The following NADK variants were observed in gnomAD, a reference collection of about 807,000 sequenced individuals.
The protein encoded by NADK is NAD kinase, also known as poly(P)/ATP NAD kinase.
Under a neutral mutation model 49.8 loss-of-function variants are expected in NADK, and 22 were observed. The observed-to-expected ratio is 0.44, with a 90% CI of 0.32 to 0.63. NADK has a LOEUF of 0.63. Among genes scored for constraint, NADK ranks in the 30% least tolerant of loss-of-function variants. The pLI is 0.06. For synonymous variants in NADK, 268 were observed against 253.7 expected, an observed-to-expected ratio of 1.06 and a Z score of -0.54; for missense variants, 438 against 609.4, an observed-to-expected ratio of 0.72 and a Z score of 2.96.
At chr1:1,774,545 C>T (rs927291907) in intron 1 of NADK, among the ~76,000 whole-genome samples, 9 of 151,420 alleles carry the variant, frequency 5.9e-5, no homozygotes, top group African/African-American at 1.7e-4. Context: ...GTCGCCACCG[C>T]GCACGGCCAC....
Position 1,757,180 on chromosome 1 carries a change from C to T in NADK, c.393+1G>A. 2 of 1,604,586 alleles carry T rather than the reference C, an allele frequency of 1.2e-6. No homozygotes were observed. Among genetic ancestry groups the T allele is most frequent in the Non-Finnish European group, 1.7e-6 (2 of 1,173,866 alleles). ...GCCCCCTTCCCCCCTGCCCCGCGTG[C>T]CTCCATGAGGTGCGTGCAGAGCTCC... On this transcript the variant is annotated splice_donor_variant, in intron 4 of 11. Transcript: ENST00000341426. LOFTEE classifies it high-confidence loss of function.
rs1352957585 is a variant in NADK, at chr1:1,765,334, C to A, written c.73G>T (p.Ala25Ser). The change falls in exon 2 of 12, where the codon GCC becomes TCC. Residue 25 changes from alanine to serine, a missense_variant. Coordinates refer to ENST00000341426, the MANE Select transcript of NADK (RefSeq NM_023018.5). ...SPDAAAYCCS[A>S]CHGDETWSYN... ...CTCCAGGTCTCATCGCCGTGGCAGG[C>A]CGAGCAGCAGTAAGCAGCCGCGTCT... The A allele has an allele frequency of 9.9e-6, 16 of 1,613,486 alleles. No homozygotes were observed. Among genetic ancestry groups the A allele is most frequent in the Non-Finnish European group, 1.4e-5 (16 of 1,179,834 alleles).
intron 2 of NADK, among the ~76,000 whole-genome samples, chr1:1,764,755 G>A (rs1259120230): frequency 6.6e-6 from 1 of 152,206 alleles, no homozygotes; most frequent in African/African-American, 2.4e-5. Flanking sequence ...ACAAAAATTA[G>A]CCGGGCATGG....
At chr1:1,773,937 C>G (rs908208241) in intron 1 of NADK, among the ~76,000 whole-genome samples, 8 of 151,876 alleles carry the variant, frequency 5.3e-5, no homozygotes, top group Admixed American at 6.6e-5. Context: ...GTCTCGCTAC[C>G]TTGAACGGGC....
At chr1:1,772,058 C>G (rs1215974364) in intron 1 of NADK, among the ~76,000 whole-genome samples, 1 of 152,052 alleles carries the variant, frequency 6.6e-6, no homozygotes, top group African/African-American at 2.4e-5. Context: ...ATCCTCCCAC[C>G]TTGGCCTTCC....
chr1:1,752,803 G>A lies in NADK; in HGVS notation c.*101C>T, dbSNP rs939916927. On this transcript the variant is annotated 3_prime_UTR_variant, in exon 12 of 12. Coordinates refer to ENST00000341426, the MANE Select transcript of NADK (RefSeq NM_023018.5). ...ACCCAGCTACAGAAAGGAAGTGGCCGTGCCACTGAGACAGGCGGTCACAGA... is the reference window on the plus strand; with the variant it reads ...ACCCAGCTACAGAAAGGAAGTGGCCATGCCACTGAGACAGGCGGTCACAGA... The A allele has an allele frequency of 4.5e-5, 61 of 1,366,638 alleles. No individual in the cohort carries two copies. In the South Asian group the frequency reaches 6.5e-4, roughly 14 times the overall value. 84.7% of individuals were successfully genotyped at this position (1,366,638 alleles called of 1,614,324 possible).
chr1:1,758,101 C>T (rs1197364435), intron 3 of NADK, among the ~76,000 whole-genome samples: 3 of 152,300 alleles, frequency 2.0e-5, no homozygotes, highest in African/African-American at 4.8e-5. Context: ...GAGGGCGCAG[C>T]GGGGCTGGCC....
intron 1 of NADK, among the ~76,000 whole-genome samples, chr1:1,776,563 C>T (rs1646215656): frequency 1.3e-5 from 2 of 152,034 alleles, no homozygotes. Context: ...ATCACGAGGT[C>T]AGGAGTTCGA....
chr1:1,754,622 C>T lies in NADK; in HGVS notation c.765G>A (p.Val255=). 1 of 1,613,958 alleles carries T rather than the reference C, an allele frequency of 6.2e-7. No homozygotes were observed. The highest frequency in any genetic ancestry group is 8.5e-7 in the Non-Finnish European group (1 of 1,179,926). ...VKELRGKKTA[V]HNGLGENGSQ... is the part of the protein sequence containing the mutation. ...AGCCGTTCTCACCCAGCCCATTGTGCACGGCCGTCTTCTTCCCCCGGAGCT... is the reference window on the plus strand; with the variant it reads ...AGCCGTTCTCACCCAGCCCATTGTGTACGGCCGTCTTCTTCCCCCGGAGCT... Residue 255 remains valine (V), a synonymous_variant, in exon 8 of 12, where the codon GTG becomes GTA. Coordinates refer to ENST00000341426, the MANE Select transcript of NADK (RefSeq NM_023018.5). This position sits in a 1 kb window ranked among gnomAD's most constrained non-coding sequence, Gnocchi z 4.3.
intron 1 of NADK, among the ~76,000 whole-genome samples, chr1:1,767,703 A>G (rs1426508067): frequency 6.6e-6 from 1 of 152,144 alleles, no homozygotes; most frequent in Non-Finnish European, 1.5e-5. Context: ...TTGTAGAGAC[A>G]AGGTCTCTCT....
At chr1:1,762,058 G>C in intron 2 of NADK, 23 bp from the exon 3 acceptor site, 1 of 1,606,118 alleles carries the variant, frequency 6.2e-7, no homozygotes, top group South Asian at 1.1e-5. Context: ...GGCAGTGTCA[G>C]AGCCACCAGG....
Position 1,759,806 on chromosome 1 carries a change from A to T in NADK, c.263+2146T>A, listed in dbSNP as rs1645658746. On this transcript the variant is annotated intron_variant, in intron 3 of 11. Transcript: ENST00000341426. The stretch of plus-strand genomic sequence containing the variant: ...TGAGTACGCCCTGGTCTGAGGGCTG[A>T]GGCAGAACATGCACCTGTCCGGTGA... 1.9e-6 allele frequency: 3 copies of T among 1,554,420 alleles called. No homozygotes were observed. In the East Asian group the frequency reaches 7.3e-5, roughly 38 times the overall value.
In NADK at chr1:1,765,291, C is replaced by T. The variant is rs746264887; in HGVS notation, c.116G>A (p.Arg39Gln). 10 of 1,613,192 alleles carry T rather than the reference C, an allele frequency of 6.2e-6. No individual in the cohort carries two copies. The highest frequency in any genetic ancestry group is 1.7e-4 in the Middle Eastern group (1 of 6,050). ...DETWSYNHPI[R>Q]GRAKSRSLSA... ...CAGGCTGCGAGACTTGGCCCGGCCC[C>T]GGATGGGGTGGTTGTAACTCCAGGT... Residue 39 changes from arginine to glutamine, a missense_variant, in exon 2 of 12, where the codon CGG (arginine) becomes CAG (glutamine). Arg to Gln is a conservative substitution (Grantham distance 43). Transcript: ENST00000341426.
At chr1:1,768,277 C>T (rs2100354837) in intron 1 of NADK, among the ~76,000 whole-genome samples, 1 of 151,994 alleles carries the variant, frequency 6.6e-6, no homozygotes, top group African/African-American at 2.4e-5. Flanking sequence ...GTGGCTCACT[C>T]ATGTAATCCC....
At chr1:1,765,831 A>G (rs1046474485) in intron 1 of NADK, among the ~76,000 whole-genome samples, 1 of 152,048 alleles carries the variant, frequency 6.6e-6, no homozygotes, top group Non-Finnish European at 1.5e-5. Context: ...AATCGCTTGA[A>G]CCCAGGAGGT....
At chr1:1,769,886 G>C (rs1645996402) in intron 1 of NADK, among the ~76,000 whole-genome samples, 1 of 152,106 alleles carries the variant, frequency 6.6e-6, no homozygotes, top group Non-Finnish European at 1.5e-5. Flanking sequence ...AGACCAGCCT[G>C]ACCAACACAG....
At position 1,778,135 on chromosome 1, in the gene NADK, G is replaced by C. The variant is rs1019625549; in HGVS notation, c.-41+154C>G. Among the ~76,000 whole-genome samples, 6 of 152,184 alleles carry C rather than the reference G, an allele frequency of 3.9e-5. No individual in the cohort carries two copies. Among genetic ancestry groups the C allele is most frequent in the African/African-American group, 1.4e-4 (6 of 41,458 alleles). On this transcript the variant is annotated intron_variant, in intron 1 of 11. Coordinates refer to ENST00000341426, the MANE Select transcript of NADK (RefSeq NM_023018.5). The surrounding 1 kb of genome is among the most constrained non-coding windows in gnomAD (Gnocchi z 4.9). ...GTGCTGGTGCCCCATTCGGGACGGA[G>C]CGGTGGCCCGTCAGCACTTCCACGG...
chr1:1,752,275 C>T lies in NADK; in HGVS notation c.*629G>A, dbSNP rs892955073. 1.3e-5 allele frequency: 2 copies of T among 152,626 alleles called. No individual in the cohort carries two copies. Among genetic ancestry groups the T allele is most frequent in the Non-Finnish European group, 2.9e-5 (2 of 68,058 alleles). The allele number at this position is 152,626 out of a possible 1,614,324, so 9.5% of individuals were successfully genotyped here. A position where few individuals can be genotyped will look rare whatever the true frequency, so the allele number is the denominator to read the frequency against. On this transcript the variant is annotated 3_prime_UTR_variant, in exon 12 of 12. Transcript: ENST00000341426. ...GAAGCTACGTGAGGAATGTGTGGGT[C>T]GCTGGCGATGCCAGCCCCCTTCCCG... is the stretch of plus-strand genomic sequence containing the variant.
At position 1,762,634 on chromosome 1, in the gene NADK, G is replaced by C. The variant is rs566756602; in HGVS notation, c.180-599C>G. Among the ~76,000 whole-genome samples the C allele has an allele frequency of 2.0e-5, 3 of 152,222 alleles. No homozygotes were observed. The East Asian group carries it at 5.8e-4, about 29-fold the overall frequency. The stretch of plus-strand genomic sequence containing the variant: ...TAGCCAGGCCTGGTGGCGTGTGCCT[G>C]CAGTCCGAGCTACTCAGGAGGCTGA... On this transcript the variant is annotated intron_variant, in intron 2 of 11. Transcript: ENST00000341426.
Sources: allele counts gnomAD v4.1 joint callset (sites outside exome capture counted in the v4.1 genomes callset), GRCh38; gene constraint gnomAD v4.1.1; non-coding constraint Gnocchi (gnomAD v3.1); transcripts MANE v1.5; gene names NCBI Gene and HGNC (gene_info 2026-07-23, HGNC 2026-07-21).